The following CPNE4 variants were observed in gnomAD, a reference collection of about 807,000 sequenced individuals.
CPNE4 encodes copine-4.
A neutral mutation model predicts 67.9 loss-of-function variants in CPNE4; 25 were observed. The ratio of observed to expected loss-of-function variants is 0.37; its 90% CI spans 0.27 to 0.51. The LOEUF (loss-of-function observed/expected upper bound fraction) is 0.51, where lower values mean the gene tolerates loss of function less well. Ranked by LOEUF, CPNE4 falls within the 20% of genes least tolerant of loss-of-function variation. The probability of loss-of-function intolerance (pLI) is 0.93; values close to 1 mark genes in which losing one functional copy is unlikely to be tolerated. For missense variants in CPNE4, 464 were observed against 690.8 expected, an observed-to-expected ratio of 0.67 and a Z score of 3.68; for synonymous variants, 242 against 244.9, an observed-to-expected ratio of 0.99 and a Z score of 0.11.
intron 2 of CPNE4, among the ~76,000 whole-genome samples, chr3:131,761,946 T>C (rs898058018): frequency 5.9e-5 from 9 of 152,140 alleles, no homozygotes; most frequent in African/African-American, 2.2e-4. Flanking sequence ...GGTAAATGGC[T>C]GTATTACTAT....
intron 1 of CPNE4, among the ~76,000 whole-genome samples, chr3:131,975,954 C>A (rs1039583996): frequency 4.6e-5 from 7 of 151,328 alleles, no homozygotes; most frequent in Admixed American, 4.6e-4. Flanking sequence ...TGATACGGTG[C>A]GGTAAAATAG....
intron 7 of CPNE4, among the ~76,000 whole-genome samples, chr3:131,633,827 G>A (rs923459318): frequency 3.3e-5 from 5 of 151,964 alleles, no homozygotes; most frequent in South Asian, 2.1e-4. Context: ...AAAATTGGCA[G>A]ATGATTTTGG....
At chr3:131,806,918 A>G (rs2084339069) in intron 2 of CPNE4, among the ~76,000 whole-genome samples, 1 of 152,202 alleles carries the variant, frequency 6.6e-6, no homozygotes, top group Non-Finnish European at 1.5e-5. Flanking sequence ...AGTTCCCCAA[A>G]TTGCTTAAAC....
chr3:131,971,279 GA>G (rs2072494230), intron 1 of CPNE4, among the ~76,000 whole-genome samples: 1 of 152,158 alleles, frequency 6.6e-6, no homozygotes, highest in Non-Finnish European at 1.5e-5. Context: ...GACTTCTTAT[GA>G]CCTAGACTTG....
intron 2 of CPNE4, among the ~76,000 whole-genome samples, chr3:131,862,328 G>A (rs12636923): frequency 0.32 from 49,329 of 151,864 alleles, 8,621 homozygotes; most frequent in African/African-American, 0.44. Flanking sequence ...GCATATAAGC[G>A]AGACTCCTAG....
rs77182245 is a variant in CPNE4 at position 131,918,257 on chromosome 3, C to G, written c.-1-12813G>C. 1.7e-3 allele frequency among the ~76,000 whole-genome samples: 256 copies of G among 152,234 alleles called. 11 individuals are homozygous for G. The East Asian group carries it at 0.047, about 28-fold the overall frequency. On this transcript the variant is annotated intron_variant, in intron 1 of 15. Coordinates refer to ENST00000429747, the MANE Select transcript of CPNE4 (RefSeq NM_130808.3). The stretch of plus-strand genomic sequence containing the variant: ...TGTTATTCTTCCTCCCCTTACATAC[C>G]TCAAGATCTAGGTTCATTTTACAGT...
chr3:131,552,346 T>C, intron 13 of CPNE4, 94 bp downstream of exon 13: 1 of 1,037,296 alleles, frequency 9.6e-7, no homozygotes, highest in Admixed American at 1.9e-5. Context: ...TGGACAATCG[T>C]AACTAATATG....
At chr3:131,965,854 T>A (rs1032122779) in intron 1 of CPNE4, among the ~76,000 whole-genome samples, 4 of 152,168 alleles carry the variant, frequency 2.6e-5, no homozygotes, top group Admixed American at 2.6e-4. Context: ...GGATTTGAAC[T>A]CAGCTCTGGA....
At chr3:131,873,190 C>A (rs1382296348) in intron 2 of CPNE4, among the ~76,000 whole-genome samples, 2 of 152,194 alleles carry the variant, frequency 1.3e-5, no homozygotes, top group Non-Finnish European at 2.9e-5. Flanking sequence ...CCATCTCAAC[C>A]TTTTCTCTTT....
chr3:131,943,847 A>G (rs1038469666), intron 1 of CPNE4, among the ~76,000 whole-genome samples: 1 of 152,166 alleles, frequency 6.6e-6, no homozygotes, highest in African/African-American at 2.4e-5. Context: ...ATTACGCTGT[A>G]GCAATTCTTA....
chr3:131,973,410 G>GTGA (rs970060015), intron 1 of CPNE4, among the ~76,000 whole-genome samples: 29 of 152,140 alleles, frequency 1.9e-4, no homozygotes, highest in Non-Finnish European at 1.5e-5. Flanking sequence ...ATAGAAATAT[G>GTGA]TGATGATGAT....
At chr3:131,570,757 C>T (rs904331670) in intron 10 of CPNE4, among the ~76,000 whole-genome samples, 1 of 152,046 alleles carries the variant, frequency 6.6e-6, no homozygotes, top group Admixed American at 6.6e-5. Flanking sequence ...GATGTGTGCA[C>T]TTCCCAGTAA....
At chr3:131,919,866 T>C (rs1007256090) in intron 1 of CPNE4, among the ~76,000 whole-genome samples, 2 of 152,298 alleles carry the variant, frequency 1.3e-5, no homozygotes, top group African/African-American at 2.4e-5. Flanking sequence ...AGTGAATATA[T>C]GAATTTTTTA....
At chr3:132,009,805 A>C (rs2073705270) in intron 1 of CPNE4, among the ~76,000 whole-genome samples, 1 of 152,178 alleles carries the variant, frequency 6.6e-6, no homozygotes, top group Admixed American at 6.5e-5. Flanking sequence ...AAGCCTGGAG[A>C]TATTTTAAGT....
intron 1 of CPNE4, among the ~76,000 whole-genome samples, chr3:132,000,681 G>A (rs1401122408): frequency 6.6e-6 from 1 of 151,418 alleles, no homozygotes. Flanking sequence ...TGACAATTTG[G>A]GTATCATGAG....
At chr3:131,855,147 A>C (rs2086389325) in intron 2 of CPNE4, among the ~76,000 whole-genome samples, 1 of 151,978 alleles carries the variant, frequency 6.6e-6, no homozygotes, top group South Asian at 2.1e-4. Context: ...TCAAGAAAAT[A>C]GGATGGGTGC....
In CPNE4 at chr3:131,978,060, TATATATAA is replaced by T. The variant is rs1373824681; in HGVS notation, c.-2+56499_-2+56506del. 2.2e-4 allele frequency among the ~76,000 whole-genome samples: 7 copies of T among 31,566 alleles called. No homozygotes were observed. In the Admixed American group the frequency reaches 2.9e-3, roughly 13 times the overall value. The allele number at this position is 31,566 out of a possible 152,430, so 20.7% of individuals were successfully genotyped here. Reference sequence around the variant, plus strand: ...GTATTCCATCATAGATATATATAAATATATATAAATATATATAAATATATATAAATATA... The same window carrying T: ...GTATTCCATCATAGATATATATAAATATATATATAAATATATATAAATATA... On this transcript the variant is annotated intron_variant, in intron 1 of 15. Transcript: ENST00000429747.
intron 1 of CPNE4, among the ~76,000 whole-genome samples, chr3:132,026,765 T>C (rs1176826812): frequency 6.6e-6 from 1 of 152,084 alleles, no homozygotes; most frequent in Non-Finnish European, 1.5e-5. Flanking sequence ...GAGAGCAAGG[T>C]TGGGAAAGTA....
intron 1 of CPNE4, among the ~76,000 whole-genome samples, chr3:131,912,370 G>T (rs1367099318): frequency 6.6e-6 from 1 of 152,028 alleles, no homozygotes; most frequent in African/African-American, 2.4e-5. Context: ...AGCAGAGCTT[G>T]TCTTAAGACT....
Sources: allele counts gnomAD v4.1 joint callset (sites outside exome capture counted in the v4.1 genomes callset), GRCh38; gene constraint gnomAD v4.1.1; transcripts MANE v1.5; gene names NCBI Gene and HGNC (gene_info 2026-07-23, HGNC 2026-07-21).